NBEA: variants seen among roughly 807,000 people sequenced by gnomAD.
NBEA encodes neurobeachin.
A neutral mutation model predicts 343.4 loss-of-function variants in NBEA; 44 were observed. That is an observed-to-expected ratio of 0.13 (90% CI 0.10 to 0.16). The LOEUF (loss-of-function observed/expected upper bound fraction) is 0.16. Among genes scored for constraint, NBEA ranks in the 10% least tolerant of loss-of-function variants. The pLI, the probability that NBEA is intolerant of heterozygous loss-of-function variation, is 1.00. For missense variants in NBEA, 2,555 were observed against 3,631.3 expected, an observed-to-expected ratio of 0.70 and a Z score of 7.62; for synonymous variants, 1,175 against 1,238.7, an observed-to-expected ratio of 0.95 and a Z score of 1.08.
At chr13:35,475,378 A>G (rs377259212) in intron 41 of NBEA, 1 of 1,613,778 alleles carries the variant, frequency 6.2e-7, no homozygotes, top group Non-Finnish European at 8.5e-7. Context: ...TAAGGTTTTG[A>G]GGATGGAGAG....
intron 1 of NBEA, among the ~76,000 whole-genome samples, chr13:34,981,522 G>A (rs2060354548): frequency 6.6e-6 from 1 of 152,088 alleles, no homozygotes; most frequent in Admixed American, 6.5e-5. Flanking sequence ...AAACAATCTT[G>A]CATTCTTAGG....
At chr13:35,608,474 G>A (rs570166609) in intron 48 of NBEA, among the ~76,000 whole-genome samples, 1 of 152,070 alleles carries the variant, frequency 6.6e-6, no homozygotes, top group East Asian at 1.9e-4. Flanking sequence ...GGATACCAGC[G>A]CTACAAATGG....
chr13:35,648,325 A>G (rs965288651), intron 51 of NBEA, among the ~76,000 whole-genome samples: 4 of 151,702 alleles, frequency 2.6e-5, no homozygotes, highest in Admixed American at 6.6e-5. Context: ...CACCAAGCTC[A>G]GGCTGTTGCC....
At chr13:35,615,138 AAAAAAC>A (rs1415977565) in intron 48 of NBEA, among the ~76,000 whole-genome samples, 34 of 148,916 alleles carry the variant, frequency 2.3e-4, no homozygotes, top group African/African-American at 5.2e-4. Context: ...ACAAAAAAAA[AAAAAAC>A]AAAAAAAAAT....
chr13:35,345,466 G>C (rs1280510025), intron 36 of NBEA, among the ~76,000 whole-genome samples: 1 of 151,976 alleles, frequency 6.6e-6, no homozygotes, highest in African/African-American at 2.4e-5. Flanking sequence ...AAGTGAGTGA[G>C]CTTAGGATAG....
In NBEA at chr13:34,985,881, A is replaced by G. The variant is rs143642406; in HGVS notation, c.294+42767A>G. Among the ~76,000 whole-genome samples, 148 of 150,806 alleles carry G rather than the reference A, an allele frequency of 9.8e-4. 3 individuals are homozygous for G. The East Asian group carries it at 0.026, about 26-fold the overall frequency. ...GTATTTCTGTGGGATCAGTGGTGATATCCCCTTTACTATTTTTTATTGCAT... is the reference window on the plus strand; with the variant it reads ...GTATTTCTGTGGGATCAGTGGTGATGTCCCCTTTACTATTTTTTATTGCAT... On this transcript the variant is annotated intron_variant, in intron 1 of 58. Transcript: ENST00000379939.
intron 45 of NBEA, 73 bp from the exon 46 acceptor site, chr13:35,583,825 A>C: frequency 2.7e-6 from 3 of 1,101,902 alleles, no homozygotes; most frequent in Non-Finnish European, 3.9e-6. Context: ...TGAAATACTG[A>C]AAGTATAAAG....
At chr13:35,226,343 G>T (rs1040683222) in intron 33 of NBEA, among the ~76,000 whole-genome samples, 7 of 152,114 alleles carry the variant, frequency 4.6e-5, no homozygotes, top group African/African-American at 1.7e-4. Flanking sequence ...GAGGGATTCA[G>T]CTGTGAGCCA....
intron 53 of NBEA, among the ~76,000 whole-genome samples, chr13:35,652,648 A>T (rs147635529): frequency 0.05 from 7,462 of 148,468 alleles, 255 homozygotes; most frequent in South Asian, 0.09. Context: ...CTCAAAAAAA[A>T]AAAAGGAAGC....
chr13:35,082,872 T>G (rs1452142657), intron 10 of NBEA, among the ~76,000 whole-genome samples: 2 of 152,220 alleles, frequency 1.3e-5, no homozygotes, highest in African/African-American at 2.4e-5. Context: ...GTAGGTGGCC[T>G]GTTCACTCTG....
At chr13:34,963,759 C>T (rs1270016149) in intron 1 of NBEA, among the ~76,000 whole-genome samples, 1 of 151,496 alleles carries the variant, frequency 6.6e-6, no homozygotes, top group East Asian at 2.0e-4. Flanking sequence ...CATCCAAAGG[C>T]ACTGTTGATT....
chr13:34,994,240 AAAGT>A (rs2060864034), intron 1 of NBEA, among the ~76,000 whole-genome samples: 1 of 151,550 alleles, frequency 6.6e-6, no homozygotes, highest in Admixed American at 6.6e-5. Context: ...CTATAAGAAA[AAAGT>A]AAATAAATGG....
intron 41 of NBEA, among the ~76,000 whole-genome samples, chr13:35,540,167 A>G (rs2078755407): frequency 6.6e-6 from 1 of 151,982 alleles, no homozygotes; most frequent in Admixed American, 6.5e-5. Flanking sequence ...ATATTTGTAA[A>G]ATCAGACCCT....
intron 46 of NBEA, among the ~76,000 whole-genome samples, chr13:35,590,889 A>T (rs1382515515): frequency 6.6e-6 from 1 of 152,016 alleles, no homozygotes; most frequent in Non-Finnish European, 1.5e-5. Context: ...TCCCAACAAT[A>T]CCTTGTATGT....
intron 8 of NBEA, 72 bp from the exon 9 acceptor site, chr13:35,069,836 T>C (rs2063799490): frequency 9.3e-7 from 1 of 1,079,940 alleles, no homozygotes. Flanking sequence ...TGTAAATGTT[T>C]CTCTGCTTTA....
chr13:34,950,533 C>A (rs1050983070), intron 1 of NBEA, among the ~76,000 whole-genome samples: 1 of 150,344 alleles, frequency 6.7e-6, no homozygotes, highest in Non-Finnish European at 1.5e-5. Context: ...TTCTAATATT[C>A]TAAATTAAAA....
At position 34,987,790 on chromosome 13, in the gene NBEA, A is replaced by G. The variant is rs1364030753; in HGVS notation, c.294+44676A>G. Among the ~76,000 whole-genome samples the G allele has an allele frequency of 2.0e-5, 3 of 151,106 alleles. 1 individual carries two copies. The highest frequency in any genetic ancestry group is 2.0e-4 in the Admixed American group (3 of 15,158). ...TTTTTTCCACTTGATCAAATAGGCT[A>G]TTGAAGCTTGTGCATGCATCACATA... On this transcript the variant is annotated intron_variant, in intron 1 of 58. Coordinates refer to ENST00000379939, the MANE Select transcript of NBEA (RefSeq NM_001385012.1).
At chr13:35,391,652 G>A (rs1227757328) in intron 38 of NBEA, among the ~76,000 whole-genome samples, 2 of 151,708 alleles carry the variant, frequency 1.3e-5, no homozygotes, top group Admixed American at 1.3e-4. Context: ...GATGCATGAA[G>A]TATGTGTATA....
At position 34,971,267 on chromosome 13, in the gene NBEA, G is replaced by A. The variant is rs1464482667; in HGVS notation, c.294+28153G>A. On this transcript the variant is annotated intron_variant, in intron 1 of 58. Coordinates refer to ENST00000379939, the MANE Select transcript of NBEA (RefSeq NM_001385012.1). ...CTGTAGTTGTTTATCAGCATAAGAAGCTTTTGGGCTAAGATGATGGGGTTT... is the reference window on the plus strand; with the variant it reads ...CTGTAGTTGTTTATCAGCATAAGAAACTTTTGGGCTAAGATGATGGGGTTT... Among the ~76,000 whole-genome samples the A allele has an allele frequency of 3.3e-5, 5 of 152,102 alleles. No homozygotes were observed. In the East Asian group the frequency reaches 9.6e-4, roughly 29 times the overall value.
Sources: allele counts gnomAD v4.1 joint callset (sites outside exome capture counted in the v4.1 genomes callset), GRCh38; gene constraint gnomAD v4.1.1; transcripts MANE v1.5; gene names NCBI Gene and HGNC (gene_info 2026-07-23, HGNC 2026-07-21).